Variants in CLIP2 observed in about 807,000 individuals in gnomAD.
CLIP2 encodes the protein CAP-Gly domain-containing linker protein 2.
Under a neutral mutation model 111.7 loss-of-function variants are expected in CLIP2, and 41 were observed. The observed-to-expected ratio is 0.37, with a 90% confidence interval of 0.29 to 0.48. The LOEUF (loss-of-function observed/expected upper bound fraction) is 0.48. Among genes scored for constraint, CLIP2 ranks in the 20% least tolerant of loss-of-function variants. CLIP2 has a pLI of 0.99. For synonymous variants in CLIP2, 660 were observed against 644.2 expected, an observed-to-expected ratio of 1.02 and a Z score of -0.37; for missense variants, 1,160 against 1,422.1, an observed-to-expected ratio of 0.82 and a Z score of 2.96.
chr7:74,356,381 AG>A (rs1562706908), intron 4 of CLIP2, 28 bp from the exon 5 acceptor site: 2 of 1,601,560 alleles, frequency 1.2e-6, no homozygotes, highest in African/African-American at 1.3e-5. Context: ...GGGCCGTGAC[AG>A]CAGCTTGGGT....
At chr7:74,297,015 C>G (rs1030689922) in intron 1 of CLIP2, among the ~76,000 whole-genome samples, 7 of 152,164 alleles carry the variant, frequency 4.6e-5, no homozygotes, top group Non-Finnish European at 1.0e-4. Flanking sequence ...AGCAGTGGGT[C>G]GCCTTTCTGA....
At chr7:74,339,466 C>T (rs1336554903) in intron 3 of CLIP2, among the ~76,000 whole-genome samples, 3 of 151,840 alleles carry the variant, frequency 2.0e-5, no homozygotes, top group African/African-American at 4.8e-5. Context: ...CCACCACGCC[C>T]GGCTAATTTT....
chr7:74,323,378 C>G (rs1554730268), intron 2 of CLIP2, among the ~76,000 whole-genome samples: 1 of 151,482 alleles, frequency 6.6e-6, no homozygotes, highest in Non-Finnish European at 1.5e-5. Flanking sequence ...TACCAAAGGG[C>G]GTGAGCCACC....
intron 3 of CLIP2, among the ~76,000 whole-genome samples, chr7:74,347,566 C>T (rs1789837349): frequency 6.6e-6 from 1 of 152,172 alleles, no homozygotes; most frequent in Admixed American, 6.6e-5. Flanking sequence ...CCGCGTCCGG[C>T]CAAACGCGCT....
At chr7:74,333,700 C>T (rs1219273441) in intron 2 of CLIP2, among the ~76,000 whole-genome samples, 1 of 152,124 alleles carries the variant, frequency 6.6e-6, no homozygotes, top group Non-Finnish European at 1.5e-5. Flanking sequence ...CCAGGCTGGT[C>T]TCAAACTCCT....
chr7:74,323,962 G>T (rs1388878482), intron 2 of CLIP2, among the ~76,000 whole-genome samples: 1 of 152,048 alleles, frequency 6.6e-6, no homozygotes, highest in African/African-American at 2.4e-5. Context: ...TTTCCTTCCA[G>T]TCTTTTTTCC....
chr7:74,403,180 C>T (rs1420584830), intron 16 of CLIP2, among the ~76,000 whole-genome samples: 2 of 143,650 alleles, frequency 1.4e-5, no homozygotes, highest in Admixed American at 1.4e-4. Context: ...GATCGTGCCA[C>T]TGCACTCTAG....
intron 1 of CLIP2, among the ~76,000 whole-genome samples, chr7:74,302,134 A>G (rs1388820789): frequency 2.0e-5 from 3 of 152,154 alleles, no homozygotes; most frequent in Admixed American, 6.6e-5. Flanking sequence ...CGAGACAGAC[A>G]GGCTGGGCGT....
chr7:74,396,836 C>G (rs1190689879), intron 13 of CLIP2, among the ~76,000 whole-genome samples: 1 of 152,018 alleles, frequency 6.6e-6, no homozygotes, highest in Non-Finnish European at 1.5e-5. Context: ...CCCACAACAA[C>G]TTTAAAAAGT....
chr7:74,346,291 AT>A (rs1192541293), intron 3 of CLIP2, among the ~76,000 whole-genome samples: 1 of 152,048 alleles, frequency 6.6e-6, no homozygotes, highest in African/African-American at 2.4e-5. Flanking sequence ...ATGAAGATAA[AT>A]TTTTTTAAAA....
chr7:74,381,558 T>C (rs1019628617), intron 11 of CLIP2: 1 of 454,434 alleles, frequency 2.2e-6, no homozygotes, highest in African/African-American at 2.0e-5. Context: ...CTCTTCACTG[T>C]TCTCTATTCT....
chr7:74,390,627 T>C (rs1264116242), intron 13 of CLIP2, among the ~76,000 whole-genome samples: 1 of 151,976 alleles, frequency 6.6e-6, no homozygotes, highest in East Asian at 1.9e-4. Context: ...AAGGTCTTGC[T>C]ACTGCACTGC....
rs556254959 is a variant in CLIP2, at chr7:74,323,846, A to T, written c.121+6179A>T. On this transcript the variant is annotated intron_variant, in intron 2 of 16. Coordinates refer to ENST00000223398, the MANE Select transcript of CLIP2 (RefSeq NM_003388.5). ...TAGCCTAGGAGCAGTGGACTAGACC[A>T]TATAGGTTTGTGTAAGTACACTCTG... Among the ~76,000 whole-genome samples, 3 of 152,330 alleles carry T rather than the reference A, an allele frequency of 2.0e-5. No homozygotes were observed. In the East Asian group the frequency reaches 5.8e-4, roughly 29 times the overall value.
At chr7:74,329,416 G>A (rs1223819152) in intron 2 of CLIP2, among the ~76,000 whole-genome samples, 3 of 152,050 alleles carry the variant, frequency 2.0e-5, no homozygotes, top group Non-Finnish European at 2.9e-5. Flanking sequence ...TCATGTGGTC[G>A]CCTTATTTAT....
At chr7:74,386,628 G>C in intron 12 of CLIP2, 24 bp downstream of exon 12, 1 of 1,562,490 alleles carries the variant, frequency 6.4e-7, no homozygotes, top group Non-Finnish European at 8.7e-7. Flanking sequence ...CCGCAGGGCA[G>C]ATGCGGGGGG....
Position 74,307,326 on chromosome 7 carries a change from C to T in CLIP2, c.-67-10154C>T, listed in dbSNP as rs149509042. 9.4e-3 allele frequency among the ~76,000 whole-genome samples: 1,437 copies of T among 152,276 alleles called. 8 individuals carry two copies. Among genetic ancestry groups the T allele is most frequent in the Middle Eastern group, 0.017 (5 of 294 alleles). Reference sequence around the variant, plus strand: ...ATGGGAGGTAGGGAAGGGCCAGACCCGGGTCTGATTCCAGGACAGCCACTT... The same window carrying T: ...ATGGGAGGTAGGGAAGGGCCAGACCTGGGTCTGATTCCAGGACAGCCACTT... On this transcript the variant is annotated intron_variant, in intron 1 of 16. Transcript: ENST00000223398.
intron 11 of CLIP2, chr7:74,386,239 G>A (rs899255302): frequency 3.5e-5 from 9 of 259,678 alleles, no homozygotes; most frequent in East Asian, 1.3e-4. Context: ...GTAGAGACTC[G>A]GTTTCACCAT....
In CLIP2 at chr7:74,376,028, CT is replaced by C; in HGVS notation, c.1628del (p.Leu543ArgfsTer29). 6.2e-7 allele frequency: 1 copy of C among 1,613,076 alleles called. No homozygotes were observed. The highest frequency in any genetic ancestry group is 8.5e-7 in the Non-Finnish European group (1 of 1,179,948). On this transcript the variant is annotated frameshift_variant, in exon 10 of 17. Coordinates refer to ENST00000223398, the MANE Select transcript of CLIP2 (RefSeq NM_003388.5). LOFTEE classifies it high-confidence loss of function. This position sits in a 1 kb window ranked among gnomAD's most constrained non-coding sequence, Gnocchi z 7.1. ...GGACCACCCAGACGCCGCCGAGATC[CT>C]GCGGCTACGGGAGCGGCTGCTCTCG... ...PPDHPDAAEI[L>X]RLRERLLSAS...
intron 10 of CLIP2, among the ~76,000 whole-genome samples, chr7:74,378,184 G>C (rs543236262): frequency 5.9e-5 from 9 of 151,814 alleles, no homozygotes; most frequent in Non-Finnish European, 1.2e-4. Flanking sequence ...CTGGAGTGCA[G>C]TGGCATGATC....
Sources: allele counts gnomAD v4.1 joint callset (sites outside exome capture counted in the v4.1 genomes callset), GRCh38; gene constraint gnomAD v4.1.1; non-coding constraint Gnocchi (gnomAD v3.1); transcripts MANE v1.5; gene names NCBI Gene and HGNC (gene_info 2026-07-23, HGNC 2026-07-21).